CREB3L2: variants seen among roughly 807,000 people sequenced by gnomAD.
CREB3L2 encodes the protein cAMP responsive element binding protein 3 like 2.
In CREB3L2, 23 loss-of-function variants were observed where a neutral mutation model predicts 57.2. The ratio of observed to expected loss-of-function variants is 0.40; its 90% confidence interval spans 0.29 to 0.57. The LOEUF (loss-of-function observed/expected upper bound fraction) is 0.57, where lower values mean the gene tolerates loss of function less well. Among genes scored for constraint, CREB3L2 ranks in the 20% least tolerant of loss-of-function variants. The pLI is 0.42. For missense variants in CREB3L2, 628 were observed against 634.7 expected, an observed-to-expected ratio of 0.99 and a Z score of 0.11; for synonymous variants, 268 against 265.1, an observed-to-expected ratio of 1.01 and a Z score of -0.11.
At chr7:137,970,853 G>C (rs1424869659) in intron 1 of CREB3L2, among the ~76,000 whole-genome samples, 6 of 152,186 alleles carry the variant, frequency 3.9e-5, no homozygotes, top group Non-Finnish European at 7.3e-5. Flanking sequence ...CATGTGCCTT[G>C]TTCTAAGAAC....
intron 7 of CREB3L2, 49 bp from the exon 8 acceptor site, chr7:137,901,471 T>C (rs1380061550): frequency 8.0e-7 from 1 of 1,242,928 alleles, no homozygotes; most frequent in African/African-American, 1.5e-5. Context: ...GAGCAAACAC[T>C]AAGCTAGGAG....
intron 4 of CREB3L2, among the ~76,000 whole-genome samples, chr7:137,908,977 A>G (rs916805073): frequency 1.4e-4 from 22 of 152,240 alleles, no homozygotes; most frequent in African/African-American, 5.3e-4. Flanking sequence ...GCACACACCT[A>G]TAGTCCCAGC....
intron 1 of CREB3L2, among the ~76,000 whole-genome samples, chr7:137,947,546 G>A (rs186174486): frequency 7.2e-5 from 11 of 152,118 alleles, no homozygotes; most frequent in South Asian, 2.1e-4. Context: ...TCTTGATCCC[G>A]CCATTTGCCC....
intron 1 of CREB3L2, among the ~76,000 whole-genome samples, chr7:137,981,693 G>C (rs1801714821): frequency 6.6e-6 from 1 of 152,210 alleles, no homozygotes; most frequent in Non-Finnish European, 1.5e-5. Flanking sequence ...TTTAGAGGCA[G>C]AAAAGCCAGC....
chr7:137,978,222 T>C (rs900573272), intron 1 of CREB3L2, among the ~76,000 whole-genome samples: 5 of 152,172 alleles, frequency 3.3e-5, no homozygotes, highest in Non-Finnish European at 5.9e-5. Flanking sequence ...TACAGAGATA[T>C]ACTCTCTATA....
intron 8 of CREB3L2, among the ~76,000 whole-genome samples, chr7:137,899,695 G>A (rs1444165779): frequency 3.3e-5 from 5 of 152,186 alleles, no homozygotes; most frequent in South Asian, 2.1e-4. Context: ...CCTCCCTTTG[G>A]GCAGTCTGTC....
In CREB3L2 at chr7:137,875,649, A is replaced by G. The variant is rs1405867212; in HGVS notation, c.*4827T>C. On this transcript the variant is annotated 3_prime_UTR_variant, in exon 12 of 12. Transcript: ENST00000330387. The stretch of plus-strand genomic sequence containing the variant: ...CTGTAATTCCTGCCCAGAGAACTTG[A>G]AAGCTTACAGTGTGCTCACAGGAAG... 6 of 224,610 alleles carry G rather than the reference A, an allele frequency of 2.7e-5. No homozygotes were observed. The South Asian group carries it at 7.4e-4, about 28-fold the overall frequency. The allele number at this position is 224,610 out of a possible 1,614,324, so 13.9% of individuals were successfully genotyped here. A position where few individuals can be genotyped will look rare whatever the true frequency, so the allele number is the denominator to read the frequency against.
chr7:137,946,278 C>T (rs761197870), intron 1 of CREB3L2, among the ~76,000 whole-genome samples: 6 of 152,094 alleles, frequency 3.9e-5, no homozygotes, highest in Non-Finnish European at 5.9e-5. Flanking sequence ...GGTCTCAATT[C>T]AGTTGACTCT....
chr7:137,957,709 A>G (rs1381610491), intron 1 of CREB3L2: 2 of 1,212,928 alleles, frequency 1.6e-6, no homozygotes, highest in African/African-American at 3.1e-5. Context: ...CCTTCCACTC[A>G]ATTTACAGGC....
At chr7:137,970,026 T>A (rs944195356) in intron 1 of CREB3L2, among the ~76,000 whole-genome samples, 1 of 152,154 alleles carries the variant, frequency 6.6e-6, no homozygotes, top group African/African-American at 2.4e-5. Flanking sequence ...TTCTTCCAGA[T>A]GACTTGAAAG....
At chr7:137,981,963 G>T (rs1336997057) in intron 1 of CREB3L2, among the ~76,000 whole-genome samples, 1 of 152,108 alleles carries the variant, frequency 6.6e-6, no homozygotes, top group African/African-American at 2.4e-5. Context: ...CAGCAGTCAG[G>T]GTCTAATTAG....
intron 5 of CREB3L2, 37 bp downstream of exon 5, chr7:137,908,215 G>T: frequency 1.6e-6 from 2 of 1,227,350 alleles, no homozygotes; most frequent in Non-Finnish European, 2.1e-6. Flanking sequence ...AATGGAGAGG[G>T]TTCCCTTTGG....
At chr7:137,947,087 G>GCT (rs10677518) in intron 1 of CREB3L2, among the ~76,000 whole-genome samples, 8,111 of 132,498 alleles carry the variant, frequency 0.061, 743 homozygotes, top group Admixed American at 0.16. Context: ...AAGCCCTAGC[G>GCT]CTCTCTCTCT....
intron 1 of CREB3L2, among the ~76,000 whole-genome samples, chr7:137,977,280 CA>C (rs1801625217): frequency 6.6e-6 from 1 of 152,168 alleles, no homozygotes; most frequent in Non-Finnish European, 1.5e-5. Flanking sequence ...CCAGACAGTC[CA>C]AAACCAAAGT....
chr7:137,901,886 A>AG (rs1554495244), intron 7 of CREB3L2, among the ~76,000 whole-genome samples: 3 of 149,448 alleles, frequency 2.0e-5, no homozygotes, highest in Non-Finnish European at 4.5e-5. Context: ...AAAAAAAAAA[A>AG]AAAAAAGAAA....
chr7:137,875,429 C>T lies in CREB3L2; in HGVS notation c.*5047G>A, dbSNP rs954061841. ...GGTGCAAAAAGTTCATGTTCTCACT[C>T]AGCTGGTGAGCGAAGGATGGGAGCA... On this transcript the variant is annotated 3_prime_UTR_variant, in exon 12 of 12. Coordinates refer to ENST00000330387, the MANE Select transcript of CREB3L2 (RefSeq NM_194071.4). 2 of 221,752 alleles carry T rather than the reference C, an allele frequency of 9.0e-6. No individual in the cohort carries two copies. The highest frequency in any genetic ancestry group is 1.8e-5 in the Non-Finnish European group (2 of 110,900). 13.7% of individuals were successfully genotyped at this position (221,752 alleles called of 1,614,324 possible). A position where few individuals can be genotyped will look rare whatever the true frequency, so the allele number is the denominator to read the frequency against.
At chr7:137,988,027 G>A (rs1040148768) in intron 1 of CREB3L2, among the ~76,000 whole-genome samples, 10 of 152,210 alleles carry the variant, frequency 6.6e-5, no homozygotes, top group African/African-American at 2.4e-4. Context: ...CAAAGAGCCT[G>A]CTCTGCTCTG....
chr7:137,905,980 G>C lies in CREB3L2; in HGVS notation c.769-132C>G, dbSNP rs1799884704. The C allele has an allele frequency of 3.6e-6, 3 of 840,786 alleles. No individual in the cohort carries two copies. In the Admixed American group the frequency reaches 8.5e-5, roughly 24 times the overall value. The allele number at this position is 840,786 out of a possible 1,614,324, so 52.1% of individuals were successfully genotyped here. On this transcript the variant is annotated intron_variant, in intron 5 of 11. Transcript: ENST00000330387. ...GCTCTGAGACAAGGATGCCCCATCT[G>C]CTTTGGGTGACAGATGGGTATTTTG...
At chr7:137,896,659 G>T (rs1799633943) in intron 8 of CREB3L2, among the ~76,000 whole-genome samples, 1 of 152,122 alleles carries the variant, frequency 6.6e-6, no homozygotes, top group Non-Finnish European at 1.5e-5. Flanking sequence ...GATCACAGAT[G>T]AATCCATTGC....
Sources: allele counts gnomAD v4.1 joint callset (sites outside exome capture counted in the v4.1 genomes callset), GRCh38; gene constraint gnomAD v4.1.1; transcripts MANE v1.5; gene names NCBI Gene and HGNC (gene_info 2026-07-23, HGNC 2026-07-21).